Variants in FSTL5 observed in about 807,000 individuals in gnomAD.
FSTL5 encodes follistatin-related protein 5.
A neutral mutation model predicts 89.1 loss-of-function variants in FSTL5; 62 were observed. That is an observed-to-expected ratio of 0.70 (90% CI 0.57 to 0.86). The LOEUF (loss-of-function observed/expected upper bound fraction) is 0.86. Ranked by LOEUF, FSTL5 falls within the 40% of genes least tolerant of loss-of-function variation. The pLI is 0.00. For synonymous variants in FSTL5, 383 were observed against 346.2 expected (o/e 1.11, Z -1.18); for missense variants, 1,057 against 1,001.6 (o/e 1.06, Z -0.75).
chr4:161,979,797 C>G (rs1332582907), intron 3 of FSTL5, among the ~76,000 whole-genome samples: 5 of 152,024 alleles, frequency 3.3e-5, no homozygotes, highest in Non-Finnish European at 1.5e-5. Context: ...TCAATTATGT[C>G]TGATATATTT....
At chr4:161,560,652 A>C (rs920112185) in intron 8 of FSTL5, among the ~76,000 whole-genome samples, 2 of 151,664 alleles carry the variant, frequency 1.3e-5, no homozygotes, top group African/African-American at 2.4e-5. Context: ...CTCACACATT[A>C]GTTGAGCCCT....
chr4:161,890,902 C>T (rs187114231), intron 4 of FSTL5, among the ~76,000 whole-genome samples: 2 of 151,958 alleles, frequency 1.3e-5, no homozygotes, highest in East Asian at 1.9e-4. Flanking sequence ...TTTGATTGAA[C>T]GTTAAAATTA....
intron 2 of FSTL5, among the ~76,000 whole-genome samples, chr4:162,037,865 T>C (rs1737800538): frequency 6.6e-6 from 1 of 152,000 alleles, no homozygotes; most frequent in Non-Finnish European, 1.5e-5. Context: ...AATTTGCTTC[T>C]ATTACTTTAA....
At chr4:161,923,026 T>C (rs943418764) in intron 3 of FSTL5, among the ~76,000 whole-genome samples, 1 of 151,944 alleles carries the variant, frequency 6.6e-6, no homozygotes, top group Non-Finnish European at 1.5e-5. Flanking sequence ...TAAGAATATA[T>C]TGTTATAACA....
intron 3 of FSTL5, among the ~76,000 whole-genome samples, chr4:162,024,572 AGTTAACTACAAT>A: frequency 6.6e-6 from 1 of 152,204 alleles, no homozygotes; most frequent in Non-Finnish European, 1.5e-5. Flanking sequence ...ATGTAGCAGT[AGTTAACTACAAT>A]CAATAGTTTA....
At chr4:161,497,414 T>C (rs1360382222) in intron 12 of FSTL5, among the ~76,000 whole-genome samples, 5 of 152,068 alleles carry the variant, frequency 3.3e-5, no homozygotes, top group African/African-American at 7.2e-5. Context: ...TAAATATTAT[T>C]CTTAGTTCTT....
chr4:161,873,944 A>G (rs1424291696), intron 4 of FSTL5, among the ~76,000 whole-genome samples: 1 of 151,998 alleles, frequency 6.6e-6, no homozygotes, highest in African/African-American at 2.4e-5. Flanking sequence ...GTGTTGTGAA[A>G]TTATATTTGG....
intron 4 of FSTL5, among the ~76,000 whole-genome samples, chr4:161,836,025 T>A (rs938776514): frequency 2.6e-5 from 4 of 152,088 alleles, no homozygotes; most frequent in African/African-American, 9.7e-5. Context: ...TGCAGCACCA[T>A]TCACCATAGC....
intron 3 of FSTL5, among the ~76,000 whole-genome samples, chr4:161,963,409 GGT>G (rs1735235878): frequency 6.6e-6 from 1 of 151,820 alleles, no homozygotes; most frequent in Non-Finnish European, 1.5e-5. Context: ...TCAATTGCAA[GGT>G]TATCTATTGT....
At chr4:161,458,810 A>AGTTGGAAGGTTCAGAATG (rs1381819444) in intron 14 of FSTL5, among the ~76,000 whole-genome samples, 1 of 152,232 alleles carries the variant, frequency 6.6e-6, no homozygotes, top group Non-Finnish European at 1.5e-5. Context: ...TTTAGAAATA[A>AGTTGGAAGGTTCAGAATG]GCCTCTCCTC....
chr4:161,426,893 A>AT (rs1196447882), intron 15 of FSTL5, among the ~76,000 whole-genome samples: 4 of 152,166 alleles, frequency 2.6e-5, no homozygotes, highest in African/African-American at 9.7e-5. Context: ...AAATACACAT[A>AT]TTTTTTACCA....
At chr4:162,046,952 T>C (rs1644206056) in intron 2 of FSTL5, among the ~76,000 whole-genome samples, 1 of 152,090 alleles carries the variant, frequency 6.6e-6, no homozygotes, top group Non-Finnish European at 1.5e-5. Flanking sequence ...TGACTGAGAG[T>C]AGAGTATGCC....
intron 12 of FSTL5, among the ~76,000 whole-genome samples, chr4:161,492,852 T>C (rs1264681846): frequency 2.0e-5 from 3 of 152,062 alleles, no homozygotes; most frequent in African/African-American, 7.2e-5. Flanking sequence ...AATTATATAG[T>C]ACATGGAGAA....
chr4:161,578,798 C>T (rs1466018366), intron 8 of FSTL5, among the ~76,000 whole-genome samples: 1 of 151,790 alleles, frequency 6.6e-6, no homozygotes, highest in African/African-American at 2.4e-5. Context: ...GCAAGAGCAA[C>T]CCAGAAGACA....
chr4:161,795,953 G>T (rs955677607), intron 4 of FSTL5, among the ~76,000 whole-genome samples: 3 of 151,692 alleles, frequency 2.0e-5, no homozygotes, highest in Non-Finnish European at 4.4e-5. Context: ...AAAAATTTTA[G>T]AAATCTTTGT....
chr4:161,999,337 A>G (rs1314725219), intron 3 of FSTL5, among the ~76,000 whole-genome samples: 1 of 152,192 alleles, frequency 6.6e-6, no homozygotes, highest in East Asian at 1.9e-4. Context: ...ATAAACAACA[A>G]TATCCTGAAA....
At chr4:161,758,378 C>G (rs1740652357) in intron 6 of FSTL5, among the ~76,000 whole-genome samples, 1 of 151,998 alleles carries the variant, frequency 6.6e-6, no homozygotes, top group South Asian at 2.1e-4. Context: ...TAAACTGAGT[C>G]CTGTTTAATT....
At chr4:161,548,392 T>A (rs1417667044) in intron 8 of FSTL5, among the ~76,000 whole-genome samples, 1 of 151,876 alleles carries the variant, frequency 6.6e-6, no homozygotes, top group Non-Finnish European at 1.5e-5. Context: ...GAAAGAGGTG[T>A]GGTAGTTACA....
chr4:161,766,121 TTTA>T (rs1740990347), intron 5 of FSTL5, among the ~76,000 whole-genome samples: 1 of 152,134 alleles, frequency 6.6e-6, no homozygotes, highest in South Asian at 2.1e-4. Flanking sequence ...TGTAAATCAG[TTTA>T]TTAAGATGAC....
Sources: allele counts gnomAD v4.1 joint callset (sites outside exome capture counted in the v4.1 genomes callset), GRCh38; gene constraint gnomAD v4.1.1; transcripts MANE v1.5; gene names NCBI Gene and HGNC (gene_info 2026-07-23, HGNC 2026-07-21).